The following NTRK3 variants were observed in gnomAD, a reference collection of about 807,000 sequenced individuals.
NTRK3 encodes the protein neurotrophic receptor tyrosine kinase 3, also known as NT-3 growth factor receptor.
A neutral mutation model predicts 91.7 loss-of-function variants in NTRK3; 24 were observed. That is an observed-to-expected ratio of 0.26 (90% CI 0.19 to 0.37). NTRK3 has a LOEUF of 0.37. NTRK3 is among the 10% of genes least tolerant of loss of function. The pLI is 1.00. For missense variants in NTRK3, 880 were observed against 1,068.9 expected, an observed-to-expected ratio of 0.82 and a Z score of 2.46; for synonymous variants, 483 against 404.0, an observed-to-expected ratio of 1.20 and a Z score of -2.34.
At chr15:88,040,899 T>C (rs1466509768) in intron 13 of NTRK3, among the ~76,000 whole-genome samples, 1 of 152,244 alleles carries the variant, frequency 6.6e-6, no homozygotes, top group Admixed American at 6.5e-5. Flanking sequence ...ATTATTCTCA[T>C]TTAATCAACA....
chr15:88,074,752 CTT>C (rs1343982407), intron 13 of NTRK3, among the ~76,000 whole-genome samples: 1 of 152,210 alleles, frequency 6.6e-6, no homozygotes, highest in African/African-American at 2.4e-5. Context: ...AGAAATTCAT[CTT>C]GATATACAGG....
At chr15:88,181,061 G>A (rs2046412273) in intron 5 of NTRK3, among the ~76,000 whole-genome samples, 2 of 152,082 alleles carry the variant, frequency 1.3e-5, no homozygotes, top group Admixed American at 1.3e-4. Flanking sequence ...TCTTGAACTA[G>A]GTTGAGCACC....
chr15:87,951,665 C>T (rs375611528), intron 14 of NTRK3, among the ~76,000 whole-genome samples: 5 of 152,198 alleles, frequency 3.3e-5, no homozygotes, highest in African/African-American at 4.8e-5. Context: ...ACTTGGGAGG[C>T]CTTTCTGTGG....
chr15:88,097,554 T>G (rs1340226130), intron 13 of NTRK3, among the ~76,000 whole-genome samples: 3 of 152,214 alleles, frequency 2.0e-5, no homozygotes, highest in Non-Finnish European at 4.4e-5. Flanking sequence ...CCACCAGGAA[T>G]CTAAGGTATA....
chr15:87,931,076 C>T (rs2068755107), intron 16 of NTRK3: 1 of 360,722 alleles, frequency 2.8e-6, no homozygotes, highest in Non-Finnish European at 5.4e-6. Flanking sequence ...TTTCTTCTTA[C>T]TTTCTGCTTC....
In NTRK3 at chr15:87,861,707, T is replaced by A. The variant is rs535669045; in HGVS notation, c.*15228A>T. On this transcript the variant is annotated 3_prime_UTR_variant, in exon 19 of 19. Coordinates refer to ENST00000394480, the Ensembl canonical transcript of NTRK3. The stretch of plus-strand genomic sequence containing the variant: ...GGCATTTGCCTTAAGAACCCAGAAG[T>A]AGCACTGAGCTCACCTCTAAAGAGG... 16 of 194,660 alleles carry A rather than the reference T, an allele frequency of 8.2e-5. 1 individual carries two copies. The East Asian group carries it at 1.3e-3, about 16-fold the overall frequency. The allele number at this position is 194,660 out of a possible 1,614,324, so 12.1% of individuals were successfully genotyped here.
At chr15:88,227,554 G>A (rs143931148) in intron 3 of NTRK3, among the ~76,000 whole-genome samples, 16 of 152,264 alleles carry the variant, frequency 1.1e-4, no homozygotes, top group East Asian at 9.7e-4. Context: ...CAAGAAGGCC[G>A]CCATCTGCAA....
At chr15:88,050,725 A>C (rs929953663) in intron 13 of NTRK3, among the ~76,000 whole-genome samples, 1 of 152,172 alleles carries the variant, frequency 6.6e-6, no homozygotes, top group Non-Finnish European at 1.5e-5. Flanking sequence ...AGCTCATTTA[A>C]TCTTTGCAAA....
At chr15:88,106,554 A>G (rs1356843748) in intron 13 of NTRK3, among the ~76,000 whole-genome samples, 1 of 152,202 alleles carries the variant, frequency 6.6e-6, no homozygotes, top group South Asian at 2.1e-4. Flanking sequence ...AAGGATGCTT[A>G]AGAAAGAGTG....
intron 17 of NTRK3, chr15:87,925,489 T>A (rs554679624): frequency 5.2e-5 from 10 of 192,034 alleles, no homozygotes; most frequent in Admixed American, 3.7e-4. Flanking sequence ...TATCTGCACT[T>A]AGTGGTGTTA....
chr15:88,052,458 C>T (rs920089264), intron 13 of NTRK3, among the ~76,000 whole-genome samples: 2 of 152,208 alleles, frequency 1.3e-5, no homozygotes, highest in African/African-American at 2.4e-5. Context: ...AGTAAGCACG[C>T]TATGACTCTA....
intron 14 of NTRK3, among the ~76,000 whole-genome samples, chr15:87,999,880 T>A (rs1041096040): frequency 6.6e-6 from 1 of 152,152 alleles, no homozygotes; most frequent in Non-Finnish European, 1.5e-5. Flanking sequence ...ATTTCCACCA[T>A]CCTCTATAAG....
chr15:87,945,094 G>A (rs970339613), intron 14 of NTRK3, among the ~76,000 whole-genome samples: 13 of 152,282 alleles, frequency 8.5e-5, no homozygotes, highest in African/African-American at 2.9e-4. Context: ...AGGCAGGGAG[G>A]GGGATGAATA....
chr15:88,172,183 C>T (rs922845685), intron 5 of NTRK3, among the ~76,000 whole-genome samples: 2 of 152,116 alleles, frequency 1.3e-5, no homozygotes, highest in African/African-American at 4.8e-5. Flanking sequence ...GGGGTTAACC[C>T]AGCAAGAAAA....
At chr15:87,918,169 T>G (rs2067591892) in intron 17 of NTRK3, among the ~76,000 whole-genome samples, 1 of 152,282 alleles carries the variant, frequency 6.6e-6, no homozygotes, top group Admixed American at 6.5e-5. Context: ...AGGATCTCAC[T>G]GCCTCTTTCC....
At chr15:87,863,524 C>CT (rs36088298) in exon 19 of NTRK3, 19,427 of 190,806 alleles carry the variant, frequency 0.1, 1,096 homozygotes, top group African/African-American at 0.23. Flanking sequence ...TTCCAAAAGT[C>CT]TTTTTTTTTT....
chr15:88,149,246 C>A lies in NTRK3; in HGVS notation c.396-1843G>T, dbSNP rs533157898. Among the ~76,000 whole-genome samples, 7 of 152,230 alleles carry A rather than the reference C, an allele frequency of 4.6e-5. No homozygotes were observed. In the South Asian group the frequency reaches 1.4e-3, roughly 32 times the overall value. On this transcript the variant is annotated intron_variant, in intron 5 of 18. Transcript: ENST00000394480. The stretch of plus-strand genomic sequence containing the variant: ...TTTGGTGCAGTGGCTTGGTTCCACC[C>A]CAGCCTGAACTGGCTAGGTCCCTGA...
At chr15:88,152,247 G>A (rs931216900) in intron 5 of NTRK3, among the ~76,000 whole-genome samples, 3 of 152,168 alleles carry the variant, frequency 2.0e-5, no homozygotes, top group Admixed American at 6.5e-5. Context: ...GTTGCAGTGA[G>A]CTGAGATTGC....
At chr15:88,206,676 A>C (rs1228704614) in intron 3 of NTRK3, among the ~76,000 whole-genome samples, 1 of 148,754 alleles carries the variant, frequency 6.7e-6, no homozygotes, top group Non-Finnish European at 1.5e-5. Flanking sequence ...AAAAAAAAAA[A>C]ACAAACCTCT....
Sources: gnomAD v4.1 joint callset for allele counts (sites outside exome capture counted in the v4.1 genomes callset) on GRCh38, gnomAD v4.1.1 for gene constraint, MANE v1.5 for transcripts, NCBI Gene and HGNC (gene_info 2026-07-23, HGNC 2026-07-21) for gene names.